PDE1B: variants seen among roughly 807,000 people sequenced by gnomAD.
The protein encoded by PDE1B is dual specificity calcium/calmodulin-dependent 3',5'-cyclic nucleotide phosphodiesterase 1B.
PDE1B carries 13 observed loss-of-function variants against 66.7 expected under a neutral mutation model. The ratio of observed to expected loss-of-function variants is 0.19; its 90% CI spans 0.13 to 0.31. The LOEUF (loss-of-function observed/expected upper bound fraction) is 0.31. Ranked by LOEUF, PDE1B falls within the 10% of genes least tolerant of loss-of-function variation. The probability of loss-of-function intolerance (pLI) is 1.00; values close to 1 mark genes in which losing one functional copy is unlikely to be tolerated. For missense variants in PDE1B, 485 were observed against 682.3 expected, an observed-to-expected ratio of 0.71 and a Z score of 3.22; for synonymous variants, 230 against 253.9, an observed-to-expected ratio of 0.91 and a Z score of 0.90.
At chr12:54,568,318 T>C (rs547509134) in intron 3 of PDE1B, among the ~76,000 whole-genome samples, 4 of 151,748 alleles carry the variant, frequency 2.6e-5, no homozygotes, top group Non-Finnish European at 5.9e-5. Context: ...AAGAATTAGC[T>C]GGGCATGGTG....
Position 54,549,759 on chromosome 12 carries a change from C to A in PDE1B, c.-27C>A. ...CCTAGAGACACCGGCCTGGCTGGTC[C>A]ACGCCAGCCGCAGGTGGGAAGGGCC... is the stretch of plus-strand genomic sequence containing the variant. On this transcript the variant is annotated 5_prime_UTR_variant, in exon 1 of 16. Transcript: ENST00000243052. 1.3e-6 allele frequency: 1 copy of A among 793,966 alleles called. No homozygotes were observed. Among genetic ancestry groups the A allele is most frequent in the Non-Finnish European group, 2.1e-6 (1 of 483,194 alleles). The allele number at this position is 793,966 out of a possible 1,614,324, so 49.2% of individuals were successfully genotyped here.
intron 15 of PDE1B, 96 bp from the exon 16 acceptor site, chr12:54,577,764 C>G (rs145505478): frequency 3.9e-5 from 18 of 464,462 alleles, no homozygotes; most frequent in African/African-American, 2.9e-4. Flanking sequence ...CACAGCTCTA[C>G]TCGGGACTGA....
chr12:54,569,084 C>T lies in PDE1B; in HGVS notation c.228-100C>T, dbSNP rs1184753976. On this transcript the variant is annotated intron_variant, in intron 3 of 15. Transcript: ENST00000243052. The surrounding 1 kb of genome is among the most constrained non-coding windows in gnomAD (Gnocchi z 4.4). ...AACAGGGTTGAAGACAGAGAGCTGGCATGAGAGTTACTAAATGTGGGGTAT... is the reference window on the plus strand; with the variant it reads ...AACAGGGTTGAAGACAGAGAGCTGGTATGAGAGTTACTAAATGTGGGGTAT... The T allele has an allele frequency of 1.4e-5, 20 of 1,480,384 alleles. No individual in the cohort carries two copies. Among genetic ancestry groups the T allele is most frequent in the Non-Finnish European group, 1.7e-5 (19 of 1,114,650 alleles). The allele number at this position is 1,480,384 out of a possible 1,614,324, so 91.7% of individuals were successfully genotyped here.
In PDE1B at chr12:54,573,971, A is replaced by G. The variant is rs1623252; in HGVS notation, c.1064+262A>G. On this transcript the variant is annotated intron_variant, in intron 10 of 15. Transcript: ENST00000243052. This position sits in a 1 kb window ranked among gnomAD's most constrained non-coding sequence, Gnocchi z 5.2. ...CACTGGAGAGTGCTTTGGGCTGGGA[A>G]TCTAAGATGGGGGTTCTCATCGTAG... The G allele has an allele frequency of 6.5e-3, 3,193 of 489,984 alleles. 82 individuals carry two copies. Among genetic ancestry groups the G allele is most frequent in the African/African-American group, 0.057 (2,861 of 50,602 alleles). 30.4% of individuals were successfully genotyped at this position (489,984 alleles called of 1,614,324 possible).
intron 2 of PDE1B, chr12:54,561,527 G>T: frequency 1.4e-6 from 2 of 1,457,818 alleles, no homozygotes; most frequent in East Asian, 2.6e-5. Flanking sequence ...CCTCTTGGGG[G>T]CCCTGGGGCT....
chr12:54,567,147 G>C (rs150093870), intron 3 of PDE1B, 60 bp downstream of exon 3: 2 of 876,976 alleles, frequency 2.3e-6, no homozygotes, highest in Admixed American at 2.1e-5. Flanking sequence ...TCCAGAGAGA[G>C]GGGTTAAGAC....
At chr12:54,564,216 T>A (rs1186808267) in intron 2 of PDE1B, among the ~76,000 whole-genome samples, 1 of 152,008 alleles carries the variant, frequency 6.6e-6, no homozygotes, top group Admixed American at 6.6e-5. Context: ...TGGCAGGACC[T>A]TCTCTTATTG....
intron 2 of PDE1B, 50 bp downstream of exon 2, chr12:54,550,035 C>A (rs1477117322): frequency 6.3e-7 from 1 of 1,583,018 alleles, no homozygotes; most frequent in South Asian, 1.1e-5. Context: ...GGAGCCTGAG[C>A]GGGAGGAGGA....
In PDE1B at chr12:54,566,992, G is replaced by A. The variant is rs1957526602; in HGVS notation, c.132G>A (p.Lys44=). 6.2e-7 allele frequency: 1 copy of A among 1,611,042 alleles called. No individual in the cohort carries two copies. Among genetic ancestry groups the A allele is most frequent in the East Asian group, 2.2e-5 (1 of 44,844 alleles). The change falls in exon 3 of 16, where the codon AAG becomes AAA. Residue 44 remains lysine, a synonymous_variant. Transcript: ENST00000243052. ...CCTGCAGGCTGCGCTACATGGTGAA[G>A]CAGTTGGAGAATGGGGAGATAAACA... ...KLRSLLRYMV[K]QLENGEINIE...
Position 54,570,257 on chromosome 12 carries a change from G to A in PDE1B, c.494G>A (p.Cys165Tyr), listed in dbSNP as rs757305103. The change falls in exon 6 of 16, where the codon TGC (cysteine) becomes TAC (tyrosine). Residue 165 changes from cysteine (C) to tyrosine (Y), a missense_variant. Around this residue, in one of 4 missense-constraint regions of PDE1B, gnomAD observed 282 missense variants for 453.4 expected, o/e 0.62. Coordinates refer to ENST00000243052, the MANE Select transcript of PDE1B (RefSeq NM_000924.4). ...TCTCCATAGAACCTGGATCTCTGGTGCTTTGATGTCTTTTCCTTGAACCAG... is the reference window on the plus strand; with the variant it reads ...TCTCCATAGAACCTGGATCTCTGGTACTTTGATGTCTTTTCCTTGAACCAG... ...LNCLKNLDLWCFDVFSLNQAA... is the reference protein window; with the variant it reads ...LNCLKNLDLWYFDVFSLNQAA... 1 of 1,610,196 alleles carries A rather than the reference G, an allele frequency of 6.2e-7. No homozygotes were observed. The highest frequency in any genetic ancestry group is 8.5e-7 in the Non-Finnish European group (1 of 1,176,538).
At position 54,573,027 on chromosome 12, in the gene PDE1B, C is replaced by A. The variant is rs769302829; in HGVS notation, c.736-121C>A. The A allele has an allele frequency of 1.3e-6, 1 of 797,104 alleles. No homozygotes were observed. 49.4% of individuals were successfully genotyped at this position (797,104 alleles called of 1,614,324 possible). On this transcript the variant is annotated intron_variant, in intron 7 of 15. Transcript: ENST00000243052. This position sits in a 1 kb window ranked among gnomAD's most constrained non-coding sequence, Gnocchi z 5.2. ...GAGCTGAGAAACCTGGCTGCATTAA[C>A]CAAGAGCTGGCCTGGAAGCATGGAA...
chr12:54,557,276 T>A (rs2121045127), intron 2 of PDE1B, among the ~76,000 whole-genome samples: 1 of 152,352 alleles, frequency 6.6e-6, no homozygotes, highest in Admixed American at 6.5e-5. Context: ...GAAAATTTGC[T>A]GTTGTTTTTT....
chr12:54,566,599 C>T (rs1242290590), intron 2 of PDE1B, among the ~76,000 whole-genome samples: 1 of 152,206 alleles, frequency 6.6e-6, no homozygotes, highest in Non-Finnish European at 1.5e-5. Context: ...CTTGGTTATT[C>T]AGGCTATGAA....
chr12:54,555,287 C>T lies in PDE1B; in HGVS notation c.113+5302C>T, dbSNP rs909888080. Among the ~76,000 whole-genome samples, 6 of 152,292 alleles carry T rather than the reference C, an allele frequency of 3.9e-5. 1 individual carries two copies. In the East Asian group the frequency reaches 7.7e-4, roughly 20 times the overall value. On this transcript the variant is annotated intron_variant, in intron 2 of 15. Transcript: ENST00000243052. ...TTCCCTTCGGACATTTATCCCAAGT[C>T]CCTAGGCCTGAGGGTATCATCAGTT... is the stretch of plus-strand genomic sequence containing the variant.
At position 54,549,884 on chromosome 12, in the gene PDE1B, C is replaced by T. The variant is rs148928407; in HGVS notation, c.12C>T (p.Ser4=). The T allele has an allele frequency of 6.4e-5, 103 of 1,613,434 alleles. No homozygotes were observed. The Middle Eastern group carries it at 1.3e-3, about 21-fold the overall frequency. Residue 4 remains serine, a synonymous_variant, in exon 2 of 16, where the codon TCC becomes TCT. Transcript: ENST00000243052. MEL[S]PRSPPEMLEE... The stretch of plus-strand genomic sequence containing the variant: ...GACCGTGGCTGAGCATGGAGCTGTC[C>T]CCCCGCAGTCCTCCGGAGATGCTGG...
Position 54,569,013 on chromosome 12 carries a change from T to A in PDE1B, c.228-171T>A, listed in dbSNP as rs1022478934. Reference sequence around the variant, plus strand: ...CTCACATGGAGACCTGTTTCATTATTGGAGATGTTAGATAAAGAAATAAAA... The same window carrying A: ...CTCACATGGAGACCTGTTTCATTATAGGAGATGTTAGATAAAGAAATAAAA... On this transcript the variant is annotated intron_variant, in intron 3 of 15. Transcript: ENST00000243052. The surrounding 1 kb of genome is among the most constrained non-coding windows in gnomAD (Gnocchi z 4.4). 8.9e-6 allele frequency: 10 copies of A among 1,117,842 alleles called. No individual in the cohort carries two copies. The highest frequency in any genetic ancestry group is 1.2e-5 in the Non-Finnish European group (10 of 828,222). The allele number at this position is 1,117,842 out of a possible 1,614,324, so 69.2% of individuals were successfully genotyped here.
rs1347534284 is a variant in PDE1B, at chr12:54,576,119, GC to G, written c.1376+21del. The stretch of plus-strand genomic sequence containing the variant: ...AGCCCAGGTGAGGGTGGCTGGGGTA[GC>G]CAGATATCTTGGTTCAGGAAGGCAG... On this transcript the variant is annotated intron_variant, in intron 13 of 15. Coordinates refer to ENST00000243052, the MANE Select transcript of PDE1B (RefSeq NM_000924.4). 6.8e-7 allele frequency: 1 copy of G among 1,463,662 alleles called. No homozygotes were observed. Among genetic ancestry groups the G allele is most frequent in the Non-Finnish European group, 9.6e-7 (1 of 1,042,972 alleles). The allele number at this position is 1,463,662 out of a possible 1,614,324, so 90.7% of individuals were successfully genotyped here.
intron 2 of PDE1B, chr12:54,561,761 C>CGT (rs3036634): frequency 0.38 from 165,526 of 438,168 alleles, 19,679 homozygotes; most frequent in East Asian, 0.44. Flanking sequence ...ATGTTTTGTG[C>CGT]GTGTGTGTGT....
chr12:54,574,867 C>T (rs375933226), intron 10 of PDE1B: 25 of 350,294 alleles, frequency 7.1e-5, no homozygotes, highest in African/African-American at 4.1e-4. Flanking sequence ...CCCAGCTATT[C>T]GGGAGGCTGA....
Sources: allele counts gnomAD v4.1 joint callset (sites outside exome capture counted in the v4.1 genomes callset), GRCh38; gene constraint gnomAD v4.1.1; regional missense constraint gnomAD v4.1.1; non-coding constraint Gnocchi (gnomAD v3.1); transcripts MANE v1.5; gene names NCBI Gene and HGNC (gene_info 2026-07-23, HGNC 2026-07-21).